NPAS3: variants seen among roughly 807,000 people sequenced by gnomAD.
The protein encoded by NPAS3 is neuronal PAS domain-containing protein 3.
A neutral mutation model predicts 73.1 loss-of-function variants in NPAS3; 14 were observed. The ratio of observed to expected loss-of-function variants is 0.19; its 90% CI spans 0.13 to 0.30. NPAS3 has a LOEUF of 0.30. Ranked by LOEUF, NPAS3 falls within the 10% of genes least tolerant of loss-of-function variation. The pLI is 1.00. For synonymous variants in NPAS3, 620 were observed against 541.5 expected, an observed-to-expected ratio of 1.14 and a Z score of -2.01; for missense variants, 1,096 against 1,250.0, an observed-to-expected ratio of 0.88 and a Z score of 1.86.
intron 2 of NPAS3, among the ~76,000 whole-genome samples, chr14:33,162,694 G>A (rs1274544252): frequency 6.6e-6 from 1 of 151,780 alleles, no homozygotes; most frequent in African/African-American, 2.4e-5. Context: ...TGGCCCAAGA[G>A]GAGCGTCTAC....
intron 3 of NPAS3, among the ~76,000 whole-genome samples, chr14:33,304,426 T>C (rs993517989): frequency 2.6e-5 from 4 of 152,038 alleles, no homozygotes; most frequent in East Asian, 1.9e-4. Context: ...TATTTTCTTA[T>C]ATTAGTGTCT....
chr14:33,103,842 C>G (rs781680500), intron 2 of NPAS3, among the ~76,000 whole-genome samples: 42 of 152,152 alleles, frequency 2.8e-4, no homozygotes, highest in Non-Finnish European at 4.7e-4. Flanking sequence ...TTAAGAGAGG[C>G]CATGCCTTTT....
At chr14:33,525,626 C>G (rs1259598752) in intron 4 of NPAS3, among the ~76,000 whole-genome samples, 4 of 152,232 alleles carry the variant, frequency 2.6e-5, no homozygotes, top group East Asian at 1.9e-4. Context: ...AGAATTTACT[C>G]TATCATATTT....
intron 2 of NPAS3, among the ~76,000 whole-genome samples, chr14:33,058,138 C>A (rs1184792617): frequency 1.4e-5 from 2 of 146,144 alleles, no homozygotes; most frequent in Non-Finnish European, 3.0e-5. Flanking sequence ...AAAAAAAAAA[C>A]ATGGATAGTA....
At chr14:33,639,687 A>C (rs2058621637) in intron 5 of NPAS3, among the ~76,000 whole-genome samples, 1 of 152,222 alleles carries the variant, frequency 6.6e-6, no homozygotes, top group South Asian at 2.1e-4. Flanking sequence ...TTAGTGTTGG[A>C]GCAAGATTAT....
chr14:33,158,410 G>A (rs2044725878), intron 2 of NPAS3, among the ~76,000 whole-genome samples: 1 of 152,106 alleles, frequency 6.6e-6, no homozygotes, highest in Admixed American at 6.6e-5. Flanking sequence ...TTTGGTCTGG[G>A]TACTAGCTAG....
intron 4 of NPAS3, among the ~76,000 whole-genome samples, chr14:33,498,865 T>G (rs562603836): frequency 4.0e-5 from 6 of 151,112 alleles, no homozygotes; most frequent in African/African-American, 1.5e-4. Flanking sequence ...CAGTACCACA[T>G]AAGGAAGGTT....
At chr14:33,320,099 T>C (rs1470171218) in intron 3 of NPAS3, among the ~76,000 whole-genome samples, 1 of 151,952 alleles carries the variant, frequency 6.6e-6, no homozygotes, top group African/African-American at 2.4e-5. Context: ...AAAGAAAGGG[T>C]ATAATGTTGG....
At chr14:33,714,906 A>G (rs544014594) in intron 6 of NPAS3, among the ~76,000 whole-genome samples, 1 of 152,296 alleles carries the variant, frequency 6.6e-6, no homozygotes, top group South Asian at 2.1e-4. Context: ...TACAGAAAAA[A>G]GAAAATCACC....
chr14:33,174,934 C>T (rs1005055476), intron 2 of NPAS3, among the ~76,000 whole-genome samples: 10 of 152,146 alleles, frequency 6.6e-5, no homozygotes, highest in East Asian at 5.8e-4. Flanking sequence ...AACCATTCAC[C>T]AGACTCGTTG....
chr14:33,418,401 T>G lies in NPAS3; in HGVS notation c.468+51133T>G, dbSNP rs142775037. Among the ~76,000 whole-genome samples, 774 of 152,074 alleles carry G rather than the reference T, an allele frequency of 5.1e-3. 4 individuals are homozygous for G. In the Middle Eastern group the frequency reaches 0.058, roughly 11 times the overall value. On this transcript the variant is annotated intron_variant, in intron 4 of 11. Transcript: ENST00000356141. ...GCCTCCCAGGCTTGTATGCTGCTGGTAGCAGGCAGTGTATTAACAACCAAG... is the reference window on the plus strand; with the variant it reads ...GCCTCCCAGGCTTGTATGCTGCTGGGAGCAGGCAGTGTATTAACAACCAAG...
At chr14:32,987,874 G>A (rs976185280) in intron 1 of NPAS3, among the ~76,000 whole-genome samples, 3 of 151,876 alleles carry the variant, frequency 2.0e-5, no homozygotes, top group African/African-American at 7.2e-5. Context: ...CTTATACTTG[G>A]ATTAAGTACA....
intron 3 of NPAS3, among the ~76,000 whole-genome samples, chr14:33,242,643 T>A (rs1174357729): frequency 6.6e-6 from 1 of 152,078 alleles, no homozygotes; most frequent in Non-Finnish European, 1.5e-5. Flanking sequence ...GAAGATCATA[T>A]GTGGCTTTTT....
At chr14:33,235,257 CTTTG>C (rs1026970571) in intron 3 of NPAS3, among the ~76,000 whole-genome samples, 2 of 151,664 alleles carry the variant, frequency 1.3e-5, no homozygotes, top group African/African-American at 2.4e-5. Flanking sequence ...TTTTTTTGTC[CTTTG>C]TTTGGCTTCT....
At chr14:33,393,808 A>G (rs2047109268) in intron 4 of NPAS3, among the ~76,000 whole-genome samples, 1 of 152,250 alleles carries the variant, frequency 6.6e-6, no homozygotes, top group South Asian at 2.1e-4. Flanking sequence ...AACTACTTGT[A>G]TTTTAGCTGT....
chr14:33,178,482 C>T (rs2045679577), intron 2 of NPAS3, among the ~76,000 whole-genome samples: 1 of 152,072 alleles, frequency 6.6e-6, no homozygotes, highest in Non-Finnish European at 1.5e-5. Context: ...ATATAAATTT[C>T]TCAGGAATTT....
At chr14:33,685,541 GT>G (rs1327331159) in intron 6 of NPAS3, among the ~76,000 whole-genome samples, 1 of 152,126 alleles carries the variant, frequency 6.6e-6, no homozygotes, top group African/African-American at 2.4e-5. Flanking sequence ...CCCTCTGCCT[GT>G]TGCTTTTTCT....
At chr14:33,784,745 A>ATTTTTTTTTTTATTTTTTTT (rs2063103573) in intron 9 of NPAS3, among the ~76,000 whole-genome samples, 4 of 73,860 alleles carry the variant, frequency 5.4e-5, no homozygotes, top group Non-Finnish European at 7.2e-5. Flanking sequence ...TTATTTATTT[A>ATTTTTTTTTTTATTTTTTTT]TTTTTTTTTT....
At chr14:32,977,616 C>T (rs1320630577) in intron 1 of NPAS3, among the ~76,000 whole-genome samples, 32 of 152,146 alleles carry the variant, frequency 2.1e-4, no homozygotes, top group Admixed American at 2.1e-3. Context: ...TCTATAGTCC[C>T]AGCTGTTCAG....
Sources: allele counts gnomAD v4.1 joint callset (sites outside exome capture counted in the v4.1 genomes callset), GRCh38; gene constraint gnomAD v4.1.1; transcripts MANE v1.5; gene names NCBI Gene and HGNC (gene_info 2026-07-23, HGNC 2026-07-21).